Variants in TMEM236 observed in about 807,000 individuals in gnomAD.
The protein encoded by TMEM236 is transmembrane protein 236, also known as family with sequence similarity 23, member A.
TMEM236 carries 11 observed loss-of-function variants against 14.7 expected under a neutral mutation model. That is an observed-to-expected ratio of 0.75 (90% CI 0.47 to 1.24). TMEM236 has a LOEUF of 1.24. TMEM236 is among the 50% of genes most tolerant of loss of function. The pLI is 0.00. For synonymous variants in TMEM236, 182 were observed against 168.6 expected (o/e 1.08, Z -0.62); for missense variants, 464 against 427.3 (o/e 1.09, Z -0.76).
intron 3 of TMEM236, among the ~76,000 whole-genome samples, chr10:17,793,371 G>C (rs1420520830): frequency 6.6e-6 from 1 of 152,190 alleles, no homozygotes; most frequent in Non-Finnish European, 1.5e-5. Context: ...TGTTGACAAA[G>C]CCATTGGGAT....
At chr10:17,784,350 C>T (rs1012481926) in intron 3 of TMEM236, among the ~76,000 whole-genome samples, 3 of 152,146 alleles carry the variant, frequency 2.0e-5, no homozygotes, top group African/African-American at 7.2e-5. Flanking sequence ...TGTATTTCTT[C>T]TGGTGTTTCC....
intron 3 of TMEM236, among the ~76,000 whole-genome samples, chr10:17,779,982 C>T (rs1342146349): frequency 6.6e-6 from 1 of 152,148 alleles, no homozygotes; most frequent in Admixed American, 6.5e-5. Context: ...TGGCTTCCTG[C>T]CACCGAGTTC....
At position 17,798,438 on chromosome 10, in the gene TMEM236, C is replaced by T. The variant is rs1838049455; in HGVS notation, c.*1934C>T. The T allele has an allele frequency of 7.1e-6, 3 of 421,604 alleles. No individual in the cohort carries two copies. Among genetic ancestry groups the T allele is most frequent in the Non-Finnish European group, 1.4e-5 (3 of 210,866 alleles). 26.1% of individuals were successfully genotyped at this position (421,604 alleles called of 1,614,324 possible). On this transcript the variant is annotated 3_prime_UTR_variant, in exon 4 of 4. Transcript: ENST00000377495. ...ACTATAGTCCCAGCTACTTAGGAGG[C>T]TGGGGCAGGAAGATTGCTTGAGCCC... is the stretch of plus-strand genomic sequence containing the variant.
rs567423970 is a variant in TMEM236, at chr10:17,771,485, A to T, written c.330+104A>T. On this transcript the variant is annotated intron_variant, in intron 2 of 3. Transcript: ENST00000377495. ...GTGCTCAACAAATTTCTTGACATCTATGTAATCCAATCTTCTTCCAGGTTG... is the reference window on the plus strand; with the variant it reads ...GTGCTCAACAAATTTCTTGACATCTTTGTAATCCAATCTTCTTCCAGGTTG... 3.5e-4 allele frequency: 369 copies of T among 1,064,004 alleles called. 1 individual carries two copies. In the African/African-American group the frequency reaches 5.2e-3, roughly 15 times the overall value. 65.9% of individuals were successfully genotyped at this position (1,064,004 alleles called of 1,614,324 possible).
chr10:17,770,611 C>G (rs1185032946), intron 1 of TMEM236, among the ~76,000 whole-genome samples: 2 of 152,178 alleles, frequency 1.3e-5, no homozygotes, highest in African/African-American at 4.8e-5. Context: ...TCTCGATCTC[C>G]TGACCTCGTG....
chr10:17,760,352 T>C (rs1837344712), intron 1 of TMEM236, among the ~76,000 whole-genome samples: 1 of 152,114 alleles, frequency 6.6e-6, no homozygotes, highest in Non-Finnish European at 1.5e-5. Context: ...TCCATTTTTT[T>C]TTTTTGCTAC....
At chr10:17,771,894 G>A (rs1554834878) in intron 2 of TMEM236, among the ~76,000 whole-genome samples, 2 of 148,418 alleles carry the variant, frequency 1.3e-5, no homozygotes, top group South Asian at 4.2e-4. Context: ...AATATCTTAG[G>A]CAGAACTTTC....
Position 17,787,130 on chromosome 10 carries a change from C to T in TMEM236, c.473-8791C>T, listed in dbSNP as rs1344121054. Among the ~76,000 whole-genome samples, 40 of 152,272 alleles carry T rather than the reference C, an allele frequency of 2.6e-4. 2 individuals are homozygous for T. In the East Asian group the frequency reaches 7.2e-3, roughly 27 times the overall value. ...ACGGACTAATACATGCCCTTTCTTC[C>T]CCCTGCCTGGTGACCCCTGACGCTA... On this transcript the variant is annotated intron_variant, in intron 3 of 3. Transcript: ENST00000377495.
At chr10:17,790,496 C>T (rs1837908974) in intron 3 of TMEM236, among the ~76,000 whole-genome samples, 1 of 151,904 alleles carries the variant, frequency 6.6e-6, no homozygotes, top group Non-Finnish European at 1.5e-5. Flanking sequence ...CTTGAGGCTG[C>T]AGTGAGCTAT....
chr10:17,755,202 C>T (rs1837268627), intron 1 of TMEM236, among the ~76,000 whole-genome samples: 1 of 151,644 alleles, frequency 6.6e-6, no homozygotes, highest in Non-Finnish European at 1.5e-5. Flanking sequence ...CTGCCTGCCT[C>T]GGCCTCCCAA....
In TMEM236 at chr10:17,800,313, G is replaced by T. The variant is rs1334297610; in HGVS notation, c.*3809G>T. The T allele has an allele frequency of 6.6e-6, 1 of 150,826 alleles. No homozygotes were observed. Among genetic ancestry groups the T allele is most frequent in the African/African-American group, 2.4e-5 (1 of 41,096 alleles). The allele number at this position is 150,826 out of a possible 1,614,324, so 9.3% of individuals were successfully genotyped here. ...TCTATGATTAGGCTATTAATATATA[G>T]TCTAATAATTTTATTGCATTATAAT... On this transcript the variant is annotated 3_prime_UTR_variant, in exon 4 of 4. Transcript: ENST00000377495.
intron 3 of TMEM236, among the ~76,000 whole-genome samples, chr10:17,789,060 A>G (rs1408804450): frequency 2.6e-5 from 4 of 152,154 alleles, no homozygotes; most frequent in African/African-American, 9.7e-5. Flanking sequence ...ACTATGACCG[A>G]TTTCAAGCTA....
At position 17,795,985 on chromosome 10, in the gene TMEM236, G is replaced by T; in HGVS notation, c.537G>T (p.Val179=). The T allele has an allele frequency of 1.2e-6, 2 of 1,613,894 alleles. No homozygotes were observed. The highest frequency in any genetic ancestry group is 1.7e-4 in the Middle Eastern group (1 of 6,056). ...LQHIKTVTEQ[V]RQSPENAASP... is the part of the protein sequence containing the mutation. ...ACATAAAAACTGTGACGGAGCAAGT[G>T]AGGCAAAGTCCAGAAAACGCTGCAT... The change falls in exon 4 of 4, where the codon GTG becomes GTT. Residue 179 remains valine, a synonymous_variant. Transcript: ENST00000377495.
chr10:17,776,212 A>G, intron 3 of TMEM236, 42 bp downstream of exon 3: 2 of 1,581,374 alleles, frequency 1.3e-6, no homozygotes, highest in South Asian at 1.1e-5. Flanking sequence ...AAAGTTTGAT[A>G]TATTTTTCAC....
At chr10:17,774,073 G>A (rs1244743248) in intron 2 of TMEM236, among the ~76,000 whole-genome samples, 1 of 150,770 alleles carries the variant, frequency 6.6e-6, no homozygotes, top group Admixed American at 6.6e-5. Context: ...GAGATGAAGT[G>A]TTGCCCTATT....
intron 3 of TMEM236, among the ~76,000 whole-genome samples, chr10:17,795,283 A>T (rs952191672): frequency 9.3e-4 from 141 of 152,344 alleles, no homozygotes; most frequent in African/African-American, 3.3e-3. Context: ...GAGTTTGTCA[A>T]TTGGAGTCAA....
At chr10:17,791,744 A>G (rs1837928860) in intron 3 of TMEM236, among the ~76,000 whole-genome samples, 1 of 152,160 alleles carries the variant, frequency 6.6e-6, no homozygotes, top group South Asian at 2.1e-4. Context: ...TCTCTGCTTA[A>G]CTGTCAGGTC....
chr10:17,758,665 C>T (rs1463544621), intron 1 of TMEM236, among the ~76,000 whole-genome samples: 1 of 152,138 alleles, frequency 6.6e-6, no homozygotes, highest in Non-Finnish European at 1.5e-5. Flanking sequence ...ACTGAATTTA[C>T]TATTTTCATT....
chr10:17,768,100 T>G (rs1202007302), intron 1 of TMEM236, among the ~76,000 whole-genome samples: 25 of 129,052 alleles, frequency 1.9e-4, no homozygotes, highest in South Asian at 2.4e-4. Flanking sequence ...TTTTTTTTTT[T>G]TTTTTTTTGT....
Sources: gnomAD v4.1 joint callset for allele counts (sites outside exome capture counted in the v4.1 genomes callset) on GRCh38, gnomAD v4.1.1 for gene constraint, MANE v1.5 for transcripts, NCBI Gene and HGNC (gene_info 2026-07-23, HGNC 2026-07-21) for gene names.